NBPF9: variants seen among roughly 807,000 people sequenced by gnomAD.
NBPF9 encodes the protein NBPF family member NBPF9.
In NBPF9, 91 loss-of-function variants were observed where a neutral mutation model predicts 97.8. The ratio of observed to expected loss-of-function variants is 0.93; its 90% CI spans 0.79 to 1.11. NBPF9 has a LOEUF of 1.11. Among genes scored for constraint, NBPF9 ranks in the 50% least tolerant of loss-of-function variants. NBPF9 has a pLI of 0.00. For synonymous variants in NBPF9, 334 were observed against 359.5 expected (o/e 0.93, Z 0.80); for missense variants, 992 against 939.5 (o/e 1.06, Z -0.73).
chr1:149,055,901 T>A lies in NBPF9; in HGVS notation c.3093-2A>T, dbSNP rs587629480. On this transcript the variant is annotated splice_acceptor_variant, in intron 29 of 29. Transcript: ENST00000584027. LOFTEE classifies it high-confidence loss of function. ...ACTTCCATCAGCACGCCGTTGAGCC[T>A]GGAAAAGGAGACAAAACTAAAGAAG... is the stretch of plus-strand genomic sequence containing the variant. 1.9e-6 allele frequency: 3 copies of A among 1,611,248 alleles called. No homozygotes were observed. The highest frequency in any genetic ancestry group is 1.3e-5 in the African/African-American group (1 of 74,820).
At chr1:149,076,549 C>G (rs2079890350) in intron 11 of NBPF9, among the ~76,000 whole-genome samples, 1 of 148,804 alleles carries the variant, frequency 6.7e-6, no homozygotes, top group Non-Finnish European at 1.5e-5. Flanking sequence ...GTCTCCCAGG[C>G]TGGAGTGCAG....
chr1:149,060,326 A>G, intron 24 of NBPF9, 197 bp downstream of exon 24: 1 of 433,062 alleles, frequency 2.3e-6, no homozygotes, highest in South Asian at 2.6e-5. Context: ...GAGACTAGGA[A>G]GAGAGTCTTG....
At chr1:149,086,393 G>A (rs1303160128) in intron 5 of NBPF9, among the ~76,000 whole-genome samples, 12 of 150,192 alleles carry the variant, frequency 8.0e-5, no homozygotes, top group Non-Finnish European at 1.5e-4. Context: ...AATAACGAAG[G>A]CATTCTTAAC....
chr1:149,083,107 C>T (rs1349260200), intron 5 of NBPF9, among the ~76,000 whole-genome samples: 5 of 151,584 alleles, frequency 3.3e-5, no homozygotes, highest in Admixed American at 1.3e-4. Context: ...CGCGCCCGGC[C>T]GACTTCTCTT....
rs1198344544 is a variant in NBPF9 at position 149,073,815 on chromosome 1, G to C, written c.1044C>G (p.Phe348Leu). ...GCTGCTCTGCAAGCTTCTCCTCCTT[G>C]AACTGTCGCTCATTCCTCAGCATAA... The change falls in exon 13 of 30, where the codon TTC becomes TTG. Residue 348 changes from phenylalanine (F) to leucine (L), a missense_variant. This residue lies in a region of NBPF9 where 187 missense variants were observed against 149.6 expected (regional missense o/e 1.25). Transcript: ENST00000584027. The C allele has an allele frequency of 3.3e-6, 5 of 1,532,334 alleles. 1 individual carries two copies. The Admixed American group carries it at 6.7e-5, about 21-fold the overall frequency. The allele number at this position is 1,532,334 out of a possible 1,614,324, so 94.9% of individuals were successfully genotyped here.
intron 24 of NBPF9, 117 bp from the exon 25 acceptor site, chr1:149,059,925 T>C (rs1427655687): frequency 1.9e-5 from 8 of 432,406 alleles, no homozygotes; most frequent in East Asian, 5.6e-5. Flanking sequence ...AATAGGACAC[T>C]GTGAGAGATA....
exon 7 of NBPF9, chr1:149,082,016 A>T (rs1200683505): frequency 0.16 from 264,324 of 1,606,192 alleles, 23,227 homozygotes; most frequent in Admixed American, 0.24. Context: ...GTTAGAAAAC[A>T]TCTCTCTTTG....
chr1:149,062,608 T>A (rs1472664465), intron 21 of NBPF9, among the ~76,000 whole-genome samples: 1 of 135,600 alleles, frequency 7.4e-6, no homozygotes, highest in South Asian at 2.4e-4. Context: ...TAATTTTCCA[T>A]AAACTTGCTC....
At chr1:149,086,156 G>GT (rs1456513000) in intron 5 of NBPF9, among the ~76,000 whole-genome samples, 1 of 149,516 alleles carries the variant, frequency 6.7e-6, no homozygotes, top group Non-Finnish European at 1.5e-5. Flanking sequence ...ATCATTCCGC[G>GT]TTTGGGCTAT....
chr1:149,103,528 C>G (rs2082291944), exon 1 of NBPF9: 1 of 152,408 alleles, frequency 6.6e-6, no homozygotes, highest in Non-Finnish European at 1.5e-5. Context: ...CCAGCTGGAT[C>G]CTCAGGGTCC....
At chr1:149,093,018 C>A (rs1553660505) in intron 4 of NBPF9, among the ~76,000 whole-genome samples, 2 of 151,662 alleles carry the variant, frequency 1.3e-5, no homozygotes, top group Admixed American at 6.6e-5. Flanking sequence ...TACAGAGGAC[C>A]CATGCCGGCA....
intron 5 of NBPF9, among the ~76,000 whole-genome samples, chr1:149,086,839 CCT>C (rs1487789455): frequency 1.3e-5 from 2 of 152,096 alleles, no homozygotes; most frequent in African/African-American, 4.8e-5. Flanking sequence ...GCAGCCCGCC[CCT>C]CAGGTTGGTC....
chr1:149,062,828 A>AT, intron 21 of NBPF9, 34 bp downstream of exon 21: 1 of 671,966 alleles, frequency 1.5e-6, no homozygotes, highest in Middle Eastern at 3.9e-4. Flanking sequence ...AGGTGTCAAC[A>AT]CAGAATTAAG....
At chr1:149,073,279 G>A (rs1461747487) in intron 13 of NBPF9, among the ~76,000 whole-genome samples, 5 of 142,650 alleles carry the variant, frequency 3.5e-5, no homozygotes, top group East Asian at 2.1e-4. Context: ...TGCATCTTGC[G>A]GCCACTAGAT....
chr1:149,080,104 T>G, exon 8 of NBPF9: 2 of 1,409,010 alleles, frequency 1.4e-6, no homozygotes, highest in East Asian at 4.6e-5. Flanking sequence ...CTCCTTGAAC[T>G]GTCGCTCATT....
exon 30 of NBPF9, chr1:149,055,612 G>A (rs782510103): frequency 6.2e-7 from 1 of 1,611,184 alleles, no homozygotes; most frequent in East Asian, 2.2e-5. Context: ...GTGCCTATAG[G>A]TCCTGCCTGC....
In NBPF9 at chr1:149,062,403, C is replaced by T. The variant is rs1374044102; in HGVS notation, c.2079-138G>A. On this transcript the variant is annotated intron_variant, in intron 21 of 29. Transcript: ENST00000584027. Reference sequence around the variant, plus strand: ...CCATTAATGAGGTAATGAATTATTGCCTTTAGGTTGGGATAGACCAGGGTC... The same window carrying T: ...CCATTAATGAGGTAATGAATTATTGTCTTTAGGTTGGGATAGACCAGGGTC... The T allele has an allele frequency of 2.8e-5, 19 of 674,914 alleles. 1 individual carries two copies. The African/African-American group carries it at 3.0e-4, about 11-fold the overall frequency. 41.8% of individuals were successfully genotyped at this position (674,914 alleles called of 1,614,324 possible). A position where few individuals can be genotyped will look rare whatever the true frequency, so the allele number is the denominator to read the frequency against.
chr1:149,088,797 T>C (rs1427743139), intron 5 of NBPF9, among the ~76,000 whole-genome samples: 10 of 152,052 alleles, frequency 6.6e-5, no homozygotes, highest in Non-Finnish European at 8.8e-5. Context: ...GGCAGGCGGA[T>C]CACACTTGTG....
At chr1:149,093,431 T>C (rs587669319) in intron 4 of NBPF9, among the ~76,000 whole-genome samples, 96 of 152,062 alleles carry the variant, frequency 6.3e-4, no homozygotes, top group Admixed American at 2.0e-3. Context: ...AGACCCTTTA[T>C]GGGTGTCGGG....
Sources: allele counts gnomAD v4.1 joint callset (sites outside exome capture counted in the v4.1 genomes callset), GRCh38; gene constraint gnomAD v4.1.1; regional missense constraint gnomAD v4.1.1; transcripts MANE v1.5; gene names NCBI Gene and HGNC (gene_info 2026-07-23, HGNC 2026-07-21).